EHMT1: variants seen among roughly 807,000 people sequenced by gnomAD.
The protein encoded by EHMT1 is euchromatic histone lysine methyltransferase 1.
A neutral mutation model predicts 147.2 loss-of-function variants in EHMT1; 15 were observed. The ratio of observed to expected loss-of-function variants is 0.10; its 90% CI spans 0.07 to 0.16. The LOEUF is 0.16. Ranked by LOEUF, EHMT1 falls within the 10% of genes least tolerant of loss-of-function variation. The pLI is 1.00. For missense variants in EHMT1, 1,587 were observed against 1,772.4 expected, an observed-to-expected ratio of 0.90 and a Z score of 1.88; for synonymous variants, 795 against 709.6, an observed-to-expected ratio of 1.12 and a Z score of -1.91.
intron 4 of EHMT1, among the ~76,000 whole-genome samples, chr9:137,742,223 G>A (rs542793607): frequency 2.6e-4 from 40 of 151,896 alleles, no homozygotes; most frequent in African/African-American, 9.2e-4. Flanking sequence ...GGACCTACCC[G>A]CTTTGGATGG....
At position 137,818,053 on chromosome 9, in the gene EHMT1, T is replaced by G; in HGVS notation, c.3462-7T>G. 6.2e-7 allele frequency: 1 copy of G among 1,614,028 alleles called. No individual in the cohort carries two copies. The highest frequency in any genetic ancestry group is 8.5e-7 in the Non-Finnish European group (1 of 1,179,934). Reference sequence around the variant, plus strand: ...CCAGGGCCTCACCTGCACCGCACCCTCTGCAGGTATGTTGGGGAGCTGATT... The same window carrying G: ...CCAGGGCCTCACCTGCACCGCACCCGCTGCAGGTATGTTGGGGAGCTGATT... On this transcript the variant is annotated splice_region_variant and splice_polypyrimidine_tract_variant and intron_variant, in intron 24 of 26. Transcript: ENST00000460843.
rs893628255 is a variant in EHMT1, at chr9:137,828,868, C to T, written c.3541-5481C>T. Among the ~76,000 whole-genome samples the T allele has an allele frequency of 2.6e-5, 4 of 152,164 alleles. No homozygotes were observed. Among genetic ancestry groups the T allele is most frequent in the African/African-American group, 9.7e-5 (4 of 41,434 alleles). On this transcript the variant is annotated intron_variant, in intron 25 of 26. Coordinates refer to ENST00000460843, the MANE Select transcript of EHMT1 (RefSeq NM_024757.5). This position sits in a 1 kb window ranked among gnomAD's most constrained non-coding sequence, Gnocchi z 5.3. ...CCTTGGAGAGCTGCCGCCTCTGTGC[C>T]TCCCCTCCTGCTTGCTGCGTGGGGG...
rs1304806105 is a variant in EHMT1 at position 137,716,919 on chromosome 9, T to G, written c.379T>G (p.Leu127Val). Residue 127 changes from leucine to valine, a missense_variant, in exon 3 of 27, where the codon TTA becomes GTA. Around this residue, in one of 7 missense-constraint regions of EHMT1, gnomAD observed 810 missense variants for 673.0 expected, o/e 1.20. Transcript: ENST00000460843. ...TGTCATCGGCAGCAACGGATACATCTTAAATAAGCCGGCCCTACAGGCACA... is the reference window on the plus strand; with the variant it reads ...TGTCATCGGCAGCAACGGATACATCGTAAATAAGCCGGCCCTACAGGCACA... ...TSVIGSNGYI[L>V]NKPALQAQPL... 3 of 1,612,838 alleles carry G rather than the reference T, an allele frequency of 1.9e-6. No homozygotes were observed. Among genetic ancestry groups the G allele is most frequent in the Non-Finnish European group, 2.5e-6 (3 of 1,179,832 alleles).
At chr9:137,834,184 C>T (rs1956429648) in intron 25 of EHMT1, 165 bp from the exon 26 acceptor site, 8 of 882,764 alleles carry the variant, frequency 9.1e-6, no homozygotes, top group Non-Finnish European at 8.6e-6. Context: ...AGAAGGCTGG[C>T]GGAGGCTCCG....
rs930024248 is a variant in EHMT1, at chr9:137,798,921, C to G, written c.2607+7C>G. The G allele has an allele frequency of 8.1e-6, 13 of 1,605,362 alleles. No homozygotes were observed. Among genetic ancestry groups the G allele is most frequent in the Non-Finnish European group, 1.1e-5 (13 of 1,172,288 alleles). ...GATGGACGTCAACTGTCAGGTACAG[C>G]CACCCCCTCCCCTTAGCAGTACACT... On this transcript the variant is annotated splice_region_variant and intron_variant, in intron 17 of 26. Transcript: ENST00000460843.
chr9:137,777,077 T>G, intron 12 of EHMT1: 7 of 497,304 alleles, frequency 1.4e-5, no homozygotes, highest in Non-Finnish European at 1.8e-5. Context: ...TGAACCGGTT[T>G]TCACAGCACC....
chr9:137,711,266 C>T (rs1386445715), intron 2 of EHMT1, among the ~76,000 whole-genome samples: 1 of 152,130 alleles, frequency 6.6e-6, no homozygotes, highest in Non-Finnish European at 1.5e-5. Flanking sequence ...TCCTGTATAT[C>T]CTTGTCTTAA....
intron 1 of EHMT1, among the ~76,000 whole-genome samples, chr9:137,628,616 C>T (rs1394738538): frequency 6.6e-6 from 1 of 152,210 alleles, no homozygotes; most frequent in African/African-American, 2.4e-5. Flanking sequence ...GAAGCAGATT[C>T]TTCCGTAAAC....
chr9:137,636,057 G>A (rs912459407), intron 1 of EHMT1, among the ~76,000 whole-genome samples: 2 of 151,428 alleles, frequency 1.3e-5, no homozygotes, highest in Non-Finnish European at 2.9e-5. Flanking sequence ...GAGTAGTTGG[G>A]ATTACAGGTG....
intron 1 of EHMT1, among the ~76,000 whole-genome samples, chr9:137,650,505 C>T (rs1473055680): frequency 2.6e-5 from 4 of 151,970 alleles, no homozygotes; most frequent in South Asian, 2.1e-4. Flanking sequence ...TGATGTTGAA[C>T]GTCTTTTCAT....
At chr9:137,643,762 C>T (rs945869213) in intron 1 of EHMT1, among the ~76,000 whole-genome samples, 4 of 152,240 alleles carry the variant, frequency 2.6e-5, no homozygotes, top group East Asian at 3.9e-4. Flanking sequence ...GCTCCTCTGT[C>T]GCTGCTTTTG....
At chr9:137,682,567 A>G (rs1437547313) in intron 1 of EHMT1, among the ~76,000 whole-genome samples, 1 of 152,170 alleles carries the variant, frequency 6.6e-6, no homozygotes, top group African/African-American at 2.4e-5. Context: ...ATGCCTTGAG[A>G]TAGAGGTGTG....
At position 137,754,156 on chromosome 9, in the gene EHMT1, C is replaced by G. The variant is rs771044600; in HGVS notation, c.1249-15C>G. 8 of 1,613,782 alleles carry G rather than the reference C, an allele frequency of 5.0e-6. No homozygotes were observed. The African/African-American group carries it at 8.0e-5, about 16-fold the overall frequency. The stretch of plus-strand genomic sequence containing the variant: ...GTGCTTAGTGGTTTATATGCCTGCC[C>G]GTTTGGTTCTCCAGAGTTCGGAATC... On this transcript the variant is annotated splice_polypyrimidine_tract_variant and intron_variant, in intron 7 of 26. Transcript: ENST00000460843.
At position 137,757,026 on chromosome 9, in the gene EHMT1, TGAAA is replaced by T. The variant is rs1949428544; in HGVS notation, c.1370-853_1370-850del. On this transcript the variant is annotated intron_variant, in intron 8 of 26. Coordinates refer to ENST00000460843, the MANE Select transcript of EHMT1 (RefSeq NM_024757.5). Reference sequence around the variant, plus strand: ...TGACTAGTCCCTAGAAGCTTGGCTGTGAAATGTGACCATCTGCCCTTGGCCGGAG... The same window carrying T: ...TGACTAGTCCCTAGAAGCTTGGCTGTTGTGACCATCTGCCCTTGGCCGGAG... 2.0e-5 allele frequency among the ~76,000 whole-genome samples: 3 copies of T among 152,366 alleles called. No individual in the cohort carries two copies. In the South Asian group the frequency reaches 6.2e-4, roughly 32 times the overall value.
intron 10 of EHMT1, chr9:137,763,174 T>TGTCCAGAACG: frequency 4.3e-6 from 2 of 468,418 alleles, no homozygotes; most frequent in Non-Finnish European, 7.7e-6. Flanking sequence ...AGTCCAGAAC[T>TGTCCAGAACG]GCCCAGAACT....
chr9:137,668,835 G>A (rs1164805770), intron 1 of EHMT1, among the ~76,000 whole-genome samples: 1 of 152,190 alleles, frequency 6.6e-6, no homozygotes, highest in Non-Finnish European at 1.5e-5. Context: ...CCGGGAATGG[G>A]ATAACTGGTT....
At chr9:137,635,157 T>C (rs1198924905) in intron 1 of EHMT1, among the ~76,000 whole-genome samples, 3 of 151,904 alleles carry the variant, frequency 2.0e-5, no homozygotes, top group Admixed American at 2.0e-4. Flanking sequence ...GTCTTCCAAT[T>C]GGGGAACACC....
In EHMT1 at chr9:137,775,203, G is replaced by T. The variant is rs750974319; in HGVS notation, c.1742G>T (p.Arg581Leu). 6 of 1,613,220 alleles carry T rather than the reference G, an allele frequency of 3.7e-6. No individual in the cohort carries two copies. Among genetic ancestry groups the T allele is most frequent in the African/African-American group, 2.7e-5 (2 of 74,904 alleles). ...GTGCTGTGTGAAGACCACCGGGGCCGCATGGTGAAGCACCAGTGCTGTCCT... is the reference window on the plus strand; with the variant it reads ...GTGCTGTGTGAAGACCACCGGGGCCTCATGGTGAAGCACCAGTGCTGTCCT... The part of the protein sequence containing the change: ...LLVLCEDHRG[R>L]MVKHQCCPGC... The change falls in exon 11 of 27, where the codon CGC becomes CTC. Residue 581 changes from arginine (R) to leucine (L), a missense_variant. This residue lies in a region of EHMT1 where 124 missense variants were observed against 197.8 expected (regional missense o/e 0.63). Transcript: ENST00000460843. The surrounding 1 kb of genome is among the most constrained non-coding windows in gnomAD (Gnocchi z 6.1).
intron 4 of EHMT1, among the ~76,000 whole-genome samples, chr9:137,738,233 C>G (rs888798018): frequency 6.6e-6 from 1 of 151,286 alleles, no homozygotes; most frequent in Non-Finnish European, 1.5e-5. Context: ...AAAAAAAACC[C>G]AAAAAAGGCA....
Sources: allele counts gnomAD v4.1 joint callset (sites outside exome capture counted in the v4.1 genomes callset), GRCh38; gene constraint gnomAD v4.1.1; regional missense constraint gnomAD v4.1.1; non-coding constraint Gnocchi (gnomAD v3.1); transcripts MANE v1.5; gene names NCBI Gene and HGNC (gene_info 2026-07-23, HGNC 2026-07-21).